The following KLK9 variants were observed in gnomAD, a reference collection of about 807,000 sequenced individuals.
KLK9 encodes the protein kallikrein related peptidase 9.
KLK9 carries 26 observed loss-of-function variants against 23.3 expected under a neutral mutation model. The observed-to-expected ratio is 1.12, with a 90% CI of 0.82 to 1.55. The LOEUF is 1.55. Ranked by LOEUF, KLK9 falls within the 40% of genes most tolerant of loss-of-function variation. KLK9 has a pLI of 0.00. For missense variants in KLK9, 346 were observed against 333.7 expected (o/e 1.04, Z -0.29); for synonymous variants, 122 against 128.5 (o/e 0.95, Z 0.34).
chr19:51,003,131 G>A lies in KLK9; in HGVS notation c.733C>T (p.Gln245Ter). The A allele has an allele frequency of 6.2e-7, 1 of 1,609,796 alleles. No homozygotes were observed. The highest frequency in any genetic ancestry group is 8.5e-7 in the Non-Finnish European group (1 of 1,177,998). The change falls in exon 5 of 5, where the codon CAA becomes TAA. Residue 245 changes from glutamine (Q) to a stop codon, truncating the protein, a stop_gained. Transcript: ENST00000594211. LOFTEE classifies it high-confidence loss of function. ...TSVCHYLDWI[Q>*]EIMEN Reference sequence around the variant, plus strand: ...CGGGCTCAGTTCTCCATGATTTCTTGGATCCAGTCAAGGTAGTGGCATACG... The same window carrying A: ...CGGGCTCAGTTCTCCATGATTTCTTAGATCCAGTCAAGGTAGTGGCATACG...
At position 51,002,928 on chromosome 19, in the gene KLK9, T is replaced by A. The variant is rs1600128300; in HGVS notation, c.*183A>T. ...CTGCTCCGTTCCGAGGGGGCGCGACTGTGTCTTGCTTGACCTCGTGAGGGG... is the reference window on the plus strand; with the variant it reads ...CTGCTCCGTTCCGAGGGGGCGCGACAGTGTCTTGCTTGACCTCGTGAGGGG... On this transcript the variant is annotated 3_prime_UTR_variant, in exon 5 of 5. Coordinates refer to ENST00000594211, the MANE Select transcript of KLK9 (RefSeq NM_012315.2). The A allele has an allele frequency of 1.4e-6, 1 of 694,780 alleles. No homozygotes were observed. The highest frequency in any genetic ancestry group is 2.4e-6 in the Non-Finnish European group (1 of 423,424). The allele number at this position is 694,780 out of a possible 1,614,324, so 43.0% of individuals were successfully genotyped here.
chr19:51,007,832 C>T (rs28434175), intron 2 of KLK9, among the ~76,000 whole-genome samples: 3,218 of 152,070 alleles, frequency 0.021, 117 homozygotes, highest in East Asian at 0.16. Flanking sequence ...TATTAGAATG[C>T]CCAGAACCTA....
At chr19:51,003,936 C>T (rs1012009372) in intron 3 of KLK9, 96 bp from the exon 4 acceptor site, 7 of 969,724 alleles carry the variant, frequency 7.2e-6, no homozygotes, top group Non-Finnish European at 1.1e-5. Context: ...TCCAAAGGAC[C>T]AATGGAGCCA....
At position 51,009,413 on chromosome 19, in the gene KLK9, C is replaced by G; in HGVS notation, c.44-74G>C. The stretch of plus-strand genomic sequence containing the variant: ...GGGCAGGGAGAGGATGCTGAGAAGC[C>G]TAGAGGGCAGGAGGCAGAAGCCTGG... On this transcript the variant is annotated intron_variant, in intron 1 of 4. Transcript: ENST00000594211. This position sits in a 1 kb window ranked among gnomAD's most constrained non-coding sequence, Gnocchi z 4.8. The G allele has an allele frequency of 1.3e-6, 2 of 1,549,878 alleles. No homozygotes were observed. The highest frequency in any genetic ancestry group is 3.8e-5 in the Admixed American group (2 of 52,440).
rs369325106 is a variant in KLK9, at chr19:51,007,941, C to G, written c.201-1218G>C. On this transcript the variant is annotated intron_variant, in intron 2 of 4. Coordinates refer to ENST00000594211, the MANE Select transcript of KLK9 (RefSeq NM_012315.2). ...TTTATGAATCCAAGATTCTAACATT[C>G]CAGATTCCCCTGGATCAAAAAAACT... Among the ~76,000 whole-genome samples, 6 of 152,122 alleles carry G rather than the reference C, an allele frequency of 3.9e-5. No individual in the cohort carries two copies. The East Asian group carries it at 7.7e-4, about 20-fold the overall frequency.
At chr19:51,003,402 T>C in intron 4 of KLK9, 142 bp from the exon 5 acceptor site, 1 of 963,286 alleles carries the variant, frequency 1.0e-6, no homozygotes, top group Non-Finnish European at 1.5e-6. Context: ...CTCTTCTTCC[T>C]CAGACCCAGG....
chr19:51,003,583 A>G (rs1308692004), intron 4 of KLK9, 121 bp downstream of exon 4: 4 of 881,030 alleles, frequency 4.5e-6, no homozygotes, highest in Non-Finnish European at 5.3e-6. Flanking sequence ...TCTCCCAGGA[A>G]CCAGGTATCC....
At chr19:51,003,883 A>G in intron 3 of KLK9, 43 bp from the exon 4 acceptor site, 6 of 1,591,730 alleles carry the variant, frequency 3.8e-6, no homozygotes, top group Non-Finnish European at 5.2e-6. Context: ...ACTGTCTCCA[A>G]CACACTCAGC....
intron 2 of KLK9, among the ~76,000 whole-genome samples, chr19:51,008,167 T>TAAAAA (rs577874335): frequency 1.0e-5 from 1 of 95,918 alleles, no homozygotes; most frequent in Non-Finnish European, 2.0e-5. Context: ...CCGTCTCTAC[T>TAAAAA]AAAAAAAAAA....
At chr19:51,007,623 C>T (rs572288453) in intron 2 of KLK9, among the ~76,000 whole-genome samples, 1 of 151,964 alleles carries the variant, frequency 6.6e-6, no homozygotes, top group East Asian at 1.9e-4. Context: ...ATCTGAACAT[C>T]GTTCTCCCAG....
At chr19:51,005,422 A>G (rs987578545) in intron 3 of KLK9, among the ~76,000 whole-genome samples, 3 of 152,190 alleles carry the variant, frequency 2.0e-5, no homozygotes, top group African/African-American at 7.2e-5. Context: ...CTTAAGTTAA[A>G]GGAGGTCCCA....
chr19:51,007,759 TG>T (rs1403058053), intron 2 of KLK9, among the ~76,000 whole-genome samples: 1 of 152,040 alleles, frequency 6.6e-6, no homozygotes, highest in Non-Finnish European at 1.5e-5. Flanking sequence ...TGGAACAGTA[TG>T]GATGGTCACT....
intron 4 of KLK9, 36 bp downstream of exon 4, chr19:51,003,668 C>A: frequency 6.3e-7 from 1 of 1,580,454 alleles, no homozygotes; most frequent in Non-Finnish European, 8.6e-7. Context: ...GAAAACTTGG[C>A]AGGACAGCCT....
rs1380977098 is a variant in KLK9 at position 51,007,461 on chromosome 19, T to C, written c.201-738A>G. On this transcript the variant is annotated intron_variant, in intron 2 of 4. Transcript: ENST00000594211. ...GGTTGGGGAACCAGAAACATCTGTGTCTGTCTCTCTCTGTCATTCTTGCTG... is the reference window on the plus strand; with the variant it reads ...GGTTGGGGAACCAGAAACATCTGTGCCTGTCTCTCTCTGTCATTCTTGCTG... Among the ~76,000 whole-genome samples the C allele has an allele frequency of 2.0e-5, 3 of 151,824 alleles. No individual in the cohort carries two copies. The East Asian group carries it at 5.8e-4, about 29-fold the overall frequency.
At chr19:51,004,716 A>G (rs1296328169) in intron 3 of KLK9, among the ~76,000 whole-genome samples, 2 of 151,950 alleles carry the variant, frequency 1.3e-5, no homozygotes, top group East Asian at 3.9e-4. Flanking sequence ...AAAAAAAAAA[A>G]AAAGAAATAG....
At chr19:51,004,631 G>T (rs2091248866) in intron 3 of KLK9, among the ~76,000 whole-genome samples, 2 of 150,538 alleles carry the variant, frequency 1.3e-5, no homozygotes, top group Admixed American at 1.3e-4. Context: ...AACCCAGGAG[G>T]TGGAGGTTGC....
Position 51,009,081 on chromosome 19 carries a change from A to G in KLK9, c.200+102T>C. The G allele has an allele frequency of 7.8e-7, 1 of 1,290,182 alleles. No individual in the cohort carries two copies. The highest frequency in any genetic ancestry group is 1.0e-6 in the Non-Finnish European group (1 of 957,010). The allele number at this position is 1,290,182 out of a possible 1,614,324, so 79.9% of individuals were successfully genotyped here. On this transcript the variant is annotated intron_variant, in intron 2 of 4. Transcript: ENST00000594211. This position sits in a 1 kb window ranked among gnomAD's most constrained non-coding sequence, Gnocchi z 4.8. ...TACTTCTAAGAGTTGAACTTGTGGT[A>G]TCAGAAGTGGAGGCTCCGCACTTCT...
rs763135835 is a variant in KLK9 at position 51,006,731 on chromosome 19, G to A, written c.201-8C>T. ...AGGCGGACCCACAGATACCTGCTGGGACAGGCCTCAGAGGTCAAGCTGGGG... is the reference window on the plus strand; with the variant it reads ...AGGCGGACCCACAGATACCTGCTGGAACAGGCCTCAGAGGTCAAGCTGGGG... On this transcript the variant is annotated splice_region_variant and splice_polypyrimidine_tract_variant and intron_variant, in intron 2 of 4. Coordinates refer to ENST00000594211, the MANE Select transcript of KLK9 (RefSeq NM_012315.2). The surrounding 1 kb of genome is among the most constrained non-coding windows in gnomAD (Gnocchi z 4.1). The A allele has an allele frequency of 1.3e-6, 2 of 1,567,400 alleles. No individual in the cohort carries two copies. The highest frequency in any genetic ancestry group is 3.6e-5 in the Admixed American group (2 of 55,514).
chr19:51,007,792 G>T (rs993588172), intron 2 of KLK9, among the ~76,000 whole-genome samples: 23 of 152,068 alleles, frequency 1.5e-4, no homozygotes, highest in African/African-American at 5.6e-4. Context: ...ATGGAGAGAG[G>T]ATTCCTGCAT....
Sources: gnomAD v4.1 joint callset for allele counts (sites outside exome capture counted in the v4.1 genomes callset) on GRCh38, gnomAD v4.1.1 for gene constraint, Gnocchi (gnomAD v3.1) non-coding constraint, MANE v1.5 for transcripts, NCBI Gene and HGNC (gene_info 2026-07-23, HGNC 2026-07-21) for gene names.